Variants in CFH observed in about 807,000 individuals in gnomAD.
CFH encodes the protein complement factor H.
Under a neutral mutation model 147.3 loss-of-function variants are expected in CFH, and 53 were observed. The ratio of observed to expected loss-of-function variants is 0.36; its 90% CI spans 0.29 to 0.45. The LOEUF (loss-of-function observed/expected upper bound fraction) is 0.45, where lower values mean the gene tolerates loss of function less well. Among genes scored for constraint, CFH ranks in the 20% least tolerant of loss-of-function variants. CFH has a pLI of 1.00. For missense variants in CFH, 1,380 were observed against 1,498.0 expected (o/e 0.92, Z 1.30); for synonymous variants, 536 against 489.4 (o/e 1.10, Z -1.26).
rs1667981612 is a variant in CFH, at chr1:196,690,309, T to C, written c.1336+70T>C. The C allele has an allele frequency of 5.6e-6, 9 of 1,596,132 alleles. No homozygotes were observed. In the East Asian group the frequency reaches 6.7e-5, roughly 12 times the overall value. ...AGTAACATAGATGACATTCTAAGAC[T>C]CATCTATATTAATTGTGGCAAAATG... On this transcript the variant is annotated intron_variant, in intron 9 of 21. Transcript: ENST00000367429.
chr1:196,705,647 C>A (rs1295323056), intron 9 of CFH, among the ~76,000 whole-genome samples: 1 of 152,112 alleles, frequency 6.6e-6, no homozygotes, highest in Non-Finnish European at 1.5e-5. Context: ...ATCATGAGGC[C>A]TGTAGCCTAC....
chr1:196,718,981 A>T (rs906074759), intron 11 of CFH, among the ~76,000 whole-genome samples: 1 of 152,100 alleles, frequency 6.6e-6, no homozygotes, highest in African/African-American at 2.4e-5. Flanking sequence ...CAGACATCTG[A>T]GTATATTTCA....
At chr1:196,725,340 T>C (rs1414304400) in intron 12 of CFH, 43 bp downstream of exon 12, 3 of 1,582,024 alleles carry the variant, frequency 1.9e-6, no homozygotes, top group East Asian at 2.2e-5. Flanking sequence ...AATTAGAACT[T>C]TGAATACCAA....
chr1:196,680,071 G>T (rs543834434), intron 6 of CFH, among the ~76,000 whole-genome samples: 291 of 151,906 alleles, frequency 1.9e-3, no homozygotes, highest in South Asian at 7.7e-3. Context: ...TCAGAGTGAG[G>T]ACTATAATAG....
chr1:196,689,418 A>G lies in CFH; in HGVS notation c.965-2A>G. 1 of 1,612,134 alleles carries G rather than the reference A, an allele frequency of 6.2e-7. No homozygotes were observed. The highest frequency in any genetic ancestry group is 8.5e-7 in the Non-Finnish European group (1 of 1,179,066). On this transcript the variant is annotated splice_acceptor_variant, in intron 7 of 21. Transcript: ENST00000367429. LOFTEE classifies it high-confidence loss of function. The stretch of plus-strand genomic sequence containing the variant: ...TACTTTTTTTAAAATTTTTATTGCA[A>G]GTGAAACCTTGTGATTATCCAGACA...
At chr1:196,717,910 T>G (rs1668910477) in intron 11 of CFH, among the ~76,000 whole-genome samples, 1 of 152,022 alleles carries the variant, frequency 6.6e-6, no homozygotes, top group African/African-American at 2.4e-5. Context: ...GGAAGGAAAA[T>G]GAGCAGTAAC....
At chr1:196,735,843 A>C (rs975105683) in intron 15 of CFH, among the ~76,000 whole-genome samples, 1 of 152,094 alleles carries the variant, frequency 6.6e-6, no homozygotes. Context: ...ACTCGACATT[A>C]TCAATAACCT....
At position 196,726,853 on chromosome 1, in the gene CFH, T is replaced by A; in HGVS notation, c.2149T>A (p.Phe717Ile). 2 of 1,613,902 alleles carry A rather than the reference T, an allele frequency of 1.2e-6. 1 individual carries two copies. Among genetic ancestry groups the A allele is most frequent in the South Asian group, 2.2e-5 (2 of 91,082 alleles). ...PPYYYGDSVE[F>I]NCSESFTMIG... Reference sequence around the variant, plus strand: ...TTATTACTATGGAGATTCAGTGGAATTCAATTGCTCAGAATCATTTACAAT... The same window carrying A: ...TTATTACTATGGAGATTCAGTGGAAATCAATTGCTCAGAATCATTTACAAT... Residue 717 changes from phenylalanine to isoleucine, a missense_variant, in exon 14 of 22, where the codon TTC (phenylalanine) becomes ATC (isoleucine). Physicochemically the swap from Phe to Ile is conservative, Grantham distance 21. Transcript: ENST00000367429.
intron 1 of CFH, among the ~76,000 whole-genome samples, chr1:196,653,494 C>T (rs2143912): frequency 3.9e-4 from 59 of 151,954 alleles, no homozygotes; most frequent in African/African-American, 1.3e-3. Context: ...ATGTTTCTAA[C>T]GTTTCATACC....
intron 19 of CFH, 36 bp from the exon 20 acceptor site, chr1:196,743,416 A>G: frequency 6.2e-7 from 1 of 1,613,218 alleles, no homozygotes; most frequent in East Asian, 2.2e-5. Context: ...CTCAAAATGA[A>G]CACTAGGTGG....
intron 18 of CFH, 72 bp from the exon 19 acceptor site, chr1:196,741,803 A>G: frequency 7.2e-7 from 1 of 1,383,782 alleles, no homozygotes; most frequent in East Asian, 2.3e-5. Flanking sequence ...CTATTTTAGA[A>G]TCCATTACAT....
chr1:196,730,192 C>T (rs1326390873), intron 15 of CFH, among the ~76,000 whole-genome samples: 1 of 151,730 alleles, frequency 6.6e-6, no homozygotes, highest in African/African-American at 2.4e-5. Context: ...TATTTGAGTT[C>T]TTTCCACTTT....
chr1:196,726,857 A>G lies in CFH; in HGVS notation c.2153A>G (p.Asn718Ser), dbSNP rs140984162. 5 of 1,613,724 alleles carry G rather than the reference A, an allele frequency of 3.1e-6. No homozygotes were observed. The African/African-American group carries it at 4.0e-5, about 13-fold the overall frequency. ...PYYYGDSVEF[N>S]CSESFTMIGH... ...TACTATGGAGATTCAGTGGAATTCAATTGCTCAGAATCATTTACAATGATT... is the reference window on the plus strand; with the variant it reads ...TACTATGGAGATTCAGTGGAATTCAGTTGCTCAGAATCATTTACAATGATT... The change falls in exon 14 of 22, where the codon AAT becomes AGT. Residue 718 changes from asparagine (N) to serine (S), a missense_variant. By Grantham distance (46) the Asn-to-Ser change is conservative. Around this residue, in one of 4 missense-constraint regions of CFH, gnomAD observed 830 missense variants for 821.4 expected, o/e 1.01. Coordinates refer to ENST00000367429, the MANE Select transcript of CFH (RefSeq NM_000186.4).
intron 7 of CFH, among the ~76,000 whole-genome samples, chr1:196,686,220 C>A (rs1259581144): frequency 1.3e-5 from 2 of 152,050 alleles, no homozygotes. Flanking sequence ...GGACACAGAG[C>A]CAAACCATAT....
At position 196,690,236 on chromosome 1, in the gene CFH, G is replaced by A. The variant is rs1056619244; in HGVS notation, c.1333G>A (p.Val445Ile). The stretch of plus-strand genomic sequence containing the variant: ...GTCTCCTACTCCCAGATGCATCCGT[G>A]TCAGTAAGTACACTACTCTGAAATC... ...GWSPTPRCIR[V>I]KTCSKSSIDI... Residue 445 changes from valine to isoleucine, a missense_variant, in exon 9 of 22, where the codon GTC becomes ATC. Val to Ile is a conservative substitution (Grantham distance 29). Around this residue, in one of 4 missense-constraint regions of CFH, gnomAD observed 830 missense variants for 821.4 expected, o/e 1.01. Coordinates refer to ENST00000367429, the MANE Select transcript of CFH (RefSeq NM_000186.4). 3 of 1,613,150 alleles carry A rather than the reference G, an allele frequency of 1.9e-6. No homozygotes were observed. The highest frequency in any genetic ancestry group is 2.5e-6 in the Non-Finnish European group (3 of 1,179,512).
At chr1:196,692,762 C>CTT (rs1421061730) in intron 9 of CFH, among the ~76,000 whole-genome samples, 2 of 29,072 alleles carry the variant, frequency 6.9e-5, no homozygotes, top group African/African-American at 3.7e-4. Flanking sequence ...TTCTTTCTTT[C>CTT]TTTCTTTCTT....
intron 11 of CFH, among the ~76,000 whole-genome samples, chr1:196,719,738 ATTTCT>A (rs1668955246): frequency 6.6e-6 from 1 of 151,618 alleles, no homozygotes; most frequent in Admixed American, 6.6e-5. Context: ...AATTTTACAC[ATTTCT>A]TATCTGAATC....
chr1:196,664,337 C>T (rs1667006166), intron 1 of CFH, among the ~76,000 whole-genome samples: 1 of 152,170 alleles, frequency 6.6e-6, no homozygotes, highest in Non-Finnish European at 1.5e-5. Flanking sequence ...GTTGGGATTA[C>T]AGGTGTGAGC....
intron 1 of CFH, among the ~76,000 whole-genome samples, chr1:196,654,788 C>T (rs967836770): frequency 6.6e-6 from 1 of 151,936 alleles, no homozygotes; most frequent in East Asian, 1.9e-4. Flanking sequence ...ATTTCAGGTC[C>T]CAGAAGACTT....
Sources: gnomAD v4.1 joint callset for allele counts (sites outside exome capture counted in the v4.1 genomes callset) on GRCh38, gnomAD v4.1.1 for gene constraint, gnomAD v4.1.1 regional missense constraint, MANE v1.5 for transcripts, NCBI Gene and HGNC (gene_info 2026-07-23, HGNC 2026-07-21) for gene names.